The following FMN1 variants were observed in gnomAD, a reference collection of about 807,000 sequenced individuals.
FMN1 encodes the protein formin 1.
In FMN1, 110 loss-of-function variants were observed where a neutral mutation model predicts 132.4. That is an observed-to-expected ratio of 0.83 (90% CI 0.71 to 0.97). The LOEUF (loss-of-function observed/expected upper bound fraction) is 0.97, where lower values mean the gene tolerates loss of function less well. Ranked by LOEUF, FMN1 falls within the 50% of genes least tolerant of loss-of-function variation. The probability of loss-of-function intolerance (pLI) is 0.00; values close to 1 mark genes in which losing one functional copy is unlikely to be tolerated. For synonymous variants in FMN1, 722 were observed against 651.7 expected (o/e 1.11, Z -1.64); for missense variants, 1,792 against 1,705.3 (o/e 1.05, Z -0.90).
intron 3 of FMN1, among the ~76,000 whole-genome samples, chr15:33,162,836 G>A (rs1346610764): frequency 6.6e-6 from 1 of 152,188 alleles, no homozygotes; most frequent in Non-Finnish European, 1.5e-5. Context: ...AGTGTTACAG[G>A]CCGGGCGTGG....
chr15:32,819,087 C>T (rs888913418), intron 17 of FMN1, among the ~76,000 whole-genome samples: 1 of 152,116 alleles, frequency 6.6e-6, no homozygotes, highest in Non-Finnish European at 1.5e-5. Flanking sequence ...ACATGATCTG[C>T]GAAGGCAGGC....
At chr15:32,943,954 T>G (rs759918656) in intron 9 of FMN1, among the ~76,000 whole-genome samples, 1 of 152,154 alleles carries the variant, frequency 6.6e-6, no homozygotes, top group Non-Finnish European at 1.5e-5. Context: ...ACAGGCCTTA[T>G]GCACAGAAAA....
chr15:33,067,292 C>G (rs2037783302), intron 5 of FMN1: 2 of 1,613,690 alleles, frequency 1.2e-6, no homozygotes, highest in Non-Finnish European at 1.7e-6. Flanking sequence ...GAGCTCTGCA[C>G]CATTCATTTC....
At chr15:32,946,184 C>G (rs901326907) in intron 9 of FMN1, among the ~76,000 whole-genome samples, 1 of 152,176 alleles carries the variant, frequency 6.6e-6, no homozygotes, top group Non-Finnish European at 1.5e-5. Flanking sequence ...ACATTTCCCC[C>G]GTAATTAGTC....
At chr15:32,881,249 T>G (rs1336924342) in intron 16 of FMN1, among the ~76,000 whole-genome samples, 1 of 152,242 alleles carries the variant, frequency 6.6e-6, no homozygotes, top group Non-Finnish European at 1.5e-5. Context: ...ACTTTCTGCA[T>G]GTTTGTATAA....
intron 9 of FMN1, among the ~76,000 whole-genome samples, chr15:32,963,263 T>A (rs1459975269): frequency 1.3e-5 from 2 of 149,072 alleles, no homozygotes; most frequent in Admixed American, 1.4e-4. Context: ...AAACACCGCA[T>A]ATTCTCACTC....
At chr15:32,938,068 G>A (rs908074402) in intron 9 of FMN1, among the ~76,000 whole-genome samples, 4 of 152,042 alleles carry the variant, frequency 2.6e-5, no homozygotes, top group African/African-American at 9.7e-5. Context: ...GAAGACTATA[G>A]GAGAGAAAAA....
chr15:32,929,345 G>C (rs2061045349), intron 9 of FMN1, among the ~76,000 whole-genome samples: 1 of 152,212 alleles, frequency 6.6e-6, no homozygotes, highest in Non-Finnish European at 1.5e-5. Flanking sequence ...AATGCGCACA[G>C]AATGATATGT....
intron 4 of FMN1, among the ~76,000 whole-genome samples, chr15:33,137,712 T>C (rs1193711223): frequency 6.6e-6 from 1 of 152,224 alleles, no homozygotes; most frequent in Non-Finnish European, 1.5e-5. Context: ...ATGGCTTCTC[T>C]ACATGATTAC....
intron 3 of FMN1, among the ~76,000 whole-genome samples, chr15:33,178,294 G>A (rs1052444848): frequency 5.9e-5 from 9 of 152,094 alleles, no homozygotes; most frequent in Non-Finnish European, 5.9e-5. Context: ...TGATCCAAAC[G>A]CTATTTGCAC....
At chr15:33,078,443 TTAA>T (rs568989420) in intron 5 of FMN1, among the ~76,000 whole-genome samples, 6 of 152,200 alleles carry the variant, frequency 3.9e-5, no homozygotes, top group Non-Finnish European at 7.3e-5. Flanking sequence ...GTTCAATACT[TTAA>T]AAAGCCTCAT....
chr15:33,016,783 A>G (rs1263145989), intron 6 of FMN1, among the ~76,000 whole-genome samples: 2 of 152,188 alleles, frequency 1.3e-5, no homozygotes, highest in Non-Finnish European at 2.9e-5. Context: ...CCGGTGTCCC[A>G]CACACCTGGG....
chr15:33,040,665 C>T (rs974546105), intron 6 of FMN1, among the ~76,000 whole-genome samples: 1 of 152,228 alleles, frequency 6.6e-6, no homozygotes, highest in Non-Finnish European at 1.5e-5. Context: ...TCTAAGATTA[C>T]ACCACCAGAT....
At chr15:33,015,138 G>C (rs926647046) in intron 6 of FMN1, among the ~76,000 whole-genome samples, 1 of 152,180 alleles carries the variant, frequency 6.6e-6, no homozygotes, top group Non-Finnish European at 1.5e-5. Flanking sequence ...TGGCTCTGCA[G>C]AGTTTTTGTT....
rs751034154 is a variant in FMN1, at chr15:32,900,142, C to A, written c.3508-17G>T. The A allele has an allele frequency of 5.1e-5, 82 of 1,613,090 alleles. No individual in the cohort carries two copies. The highest frequency in any genetic ancestry group is 7.0e-5 in the Non-Finnish European group (82 of 1,179,778). On this transcript the variant is annotated splice_polypyrimidine_tract_variant and intron_variant, in intron 13 of 20. Transcript: ENST00000616417. ...CAGCAAGTCCTGTGATGGCAAACAC[C>A]AGTTATTACGGAGCTGAACTCCAAA...
chr15:32,811,669 C>CT (rs61341012), intron 17 of FMN1, among the ~76,000 whole-genome samples: 20,393 of 145,162 alleles, frequency 0.14, 1,841 homozygotes, highest in East Asian at 0.49. Context: ...ATTTTATTTG[C>CT]TTTTTTTTTT....
chr15:32,893,981 C>A (rs753642278), intron 15 of FMN1, among the ~76,000 whole-genome samples: 9 of 152,210 alleles, frequency 5.9e-5, no homozygotes, highest in Non-Finnish European at 1.2e-4. Flanking sequence ...CACACTAGTA[C>A]CTGCTGTCAA....
chr15:32,848,338 G>A (rs751141305), intron 17 of FMN1, among the ~76,000 whole-genome samples: 3 of 109,346 alleles, frequency 2.7e-5, no homozygotes, highest in Non-Finnish European at 5.9e-5. Flanking sequence ...GTGTGTGCAC[G>A]TGTGTGTGCG....
At chr15:32,927,676 G>C (rs2060996056) in intron 9 of FMN1, among the ~76,000 whole-genome samples, 1 of 151,998 alleles carries the variant, frequency 6.6e-6, no homozygotes, top group Non-Finnish European at 1.5e-5. Flanking sequence ...ACATAGTTTT[G>C]TGTTTCTCTA....
Sources: gnomAD v4.1 joint callset for allele counts (sites outside exome capture counted in the v4.1 genomes callset) on GRCh38, gnomAD v4.1.1 for gene constraint, MANE v1.5 for transcripts, NCBI Gene and HGNC (gene_info 2026-07-23, HGNC 2026-07-21) for gene names.